Variants in METTL15 observed in about 807,000 individuals in gnomAD.
The protein encoded by METTL15 is methyltransferase 15, mitochondrial 12S rRNA N4-cytidine.
A neutral mutation model predicts 38.3 loss-of-function variants in METTL15; 34 were observed. The ratio of observed to expected loss-of-function variants is 0.89; its 90% CI spans 0.68 to 1.18. METTL15 has a LOEUF of 1.18. Among genes scored for constraint, METTL15 ranks in the 50% most tolerant of loss-of-function variants. The pLI is 0.00. For missense variants in METTL15, 438 were observed against 498.4 expected, an observed-to-expected ratio of 0.88 and a Z score of 1.15; for synonymous variants, 162 against 170.9, an observed-to-expected ratio of 0.95 and a Z score of 0.41.
intron 6 of METTL15, among the ~76,000 whole-genome samples, chr11:28,459,250 T>C (rs1479364055): frequency 6.6e-6 from 1 of 152,222 alleles, no homozygotes; most frequent in Non-Finnish European, 1.5e-5. Flanking sequence ...ACATGTTGTG[T>C]ATTGGGCTAA....
intron 3 of METTL15, among the ~76,000 whole-genome samples, chr11:28,160,476 G>T (rs1850418669): frequency 6.6e-6 from 1 of 151,958 alleles, no homozygotes; most frequent in Admixed American, 6.6e-5. Flanking sequence ...TAAGATTTTG[G>T]TAGAGCTTAA....
chr11:28,447,778 G>T (rs7110074), intron 6 of METTL15, among the ~76,000 whole-genome samples: 26,937 of 152,004 alleles, frequency 0.18, 2,629 homozygotes, highest in Non-Finnish European at 0.22. Flanking sequence ...TCAGGGGGAG[G>T]GAGACTATAA....
At chr11:28,283,753 G>T (rs1856147395) in intron 4 of METTL15, among the ~76,000 whole-genome samples, 1 of 152,170 alleles carries the variant, frequency 6.6e-6, no homozygotes, top group Non-Finnish European at 1.5e-5. Flanking sequence ...TTGACTTTTA[G>T]TGGGGTTGGA....
intron 6 of METTL15, among the ~76,000 whole-genome samples, chr11:28,329,677 C>G (rs1017665401): frequency 2.6e-5 from 4 of 152,068 alleles, no homozygotes; most frequent in African/African-American, 9.7e-5. Context: ...CACTTCATTC[C>G]TATCTGTATA....
intron 5 of METTL15, among the ~76,000 whole-genome samples, chr11:28,372,538 T>A (rs891457094): frequency 1.3e-5 from 2 of 151,398 alleles, no homozygotes; most frequent in Non-Finnish European, 2.9e-5. Flanking sequence ...TACACAAAGT[T>A]CTTCACAATT....
At chr11:28,357,706 A>G (rs118142523) in intron 4 of METTL15, among the ~76,000 whole-genome samples, 60 of 152,304 alleles carry the variant, frequency 3.9e-4, no homozygotes, top group Non-Finnish European at 6.6e-4. Context: ...ACCCAAAGAC[A>G]TGGAGGGAGA....
intron 5 of METTL15, among the ~76,000 whole-genome samples, chr11:28,373,483 A>G (rs576040450): frequency 1.0e-3 from 153 of 151,996 alleles, no homozygotes; most frequent in African/African-American, 1.9e-3. Context: ...TTTCTTGTAA[A>G]TTTGTTTGAG....
rs1004158677 is a variant in METTL15, at chr11:28,109,374, C to G, written c.-253-792C>G. Among the ~76,000 whole-genome samples, 32 of 152,148 alleles carry G rather than the reference C, an allele frequency of 2.1e-4. 1 individual carries two copies. On this transcript the variant is annotated intron_variant, in intron 1 of 6. Transcript: ENST00000407364. ...GAGATGTCTTTATTTCCAGTAAGAACTCATTGTATAGTACTTTACGTTTTG... is the reference window on the plus strand; with the variant it reads ...GAGATGTCTTTATTTCCAGTAAGAAGTCATTGTATAGTACTTTACGTTTTG...
intron 4 of METTL15, among the ~76,000 whole-genome samples, chr11:28,353,838 T>C (rs1279714825): frequency 1.4e-5 from 2 of 144,170 alleles, no homozygotes; most frequent in Non-Finnish European, 3.0e-5. Context: ...GGCAGGAGAA[T>C]GGCGTGAACC....
chr11:28,506,684 T>G (rs1851629867), intron 6 of METTL15, among the ~76,000 whole-genome samples: 1 of 151,824 alleles, frequency 6.6e-6, no homozygotes, highest in Non-Finnish European at 1.5e-5. Flanking sequence ...GTGTTCAAAG[T>G]GTCAAAATCA....
At chr11:28,346,801 T>C (rs1849999894) in intron 3 of METTL15, among the ~76,000 whole-genome samples, 1 of 152,204 alleles carries the variant, frequency 6.6e-6, no homozygotes, top group Non-Finnish European at 1.5e-5. Context: ...TACAACAACT[T>C]GTGTTCCATA....
At chr11:28,413,443 T>C (rs1356951248) in intron 5 of METTL15, among the ~76,000 whole-genome samples, 1 of 152,208 alleles carries the variant, frequency 6.6e-6, no homozygotes, top group Non-Finnish European at 1.5e-5. Flanking sequence ...AGATATAATT[T>C]TTACAGGTAA....
chr11:28,182,049 A>C (rs909673211), intron 3 of METTL15, among the ~76,000 whole-genome samples: 1 of 152,124 alleles, frequency 6.6e-6, no homozygotes, highest in Admixed American at 6.6e-5. Context: ...GGCTGCATAA[A>C]TGTCTTCTCT....
At chr11:28,127,130 T>C (rs887065090) in intron 3 of METTL15, among the ~76,000 whole-genome samples, 9 of 151,906 alleles carry the variant, frequency 5.9e-5, no homozygotes, top group African/African-American at 1.9e-4. Flanking sequence ...AGGTGAGAGA[T>C]GATTAAGTCT....
At chr11:28,528,978 A>G (rs553585691), downstream of METTL15, among the ~76,000 whole-genome samples, 1 of 152,196 alleles carries the variant, frequency 6.6e-6, no homozygotes, top group Non-Finnish European at 1.5e-5. Context: ...TATAACTGGA[A>G]TGAGGTAGAA....
At chr11:28,212,403 T>A (rs2133842861) in intron 4 of METTL15, among the ~76,000 whole-genome samples, 2 of 152,268 alleles carry the variant, frequency 1.3e-5, no homozygotes, top group East Asian at 1.9e-4. Flanking sequence ...TTTAAGAAGA[T>A]GTTTTATTAG....
chr11:28,464,044 A>G (rs1242103727), intron 6 of METTL15, among the ~76,000 whole-genome samples: 3 of 152,088 alleles, frequency 2.0e-5, no homozygotes, highest in Admixed American at 2.0e-4. Context: ...TTTTACAACA[A>G]TGCTGGCGTC....
At chr11:28,398,381 G>A (rs1850595887) in intron 5 of METTL15, among the ~76,000 whole-genome samples, 1 of 152,032 alleles carries the variant, frequency 6.6e-6, no homozygotes, top group Admixed American at 6.6e-5. Context: ...TAGCTGGCAT[G>A]AGATGATATC....
chr11:28,474,868 G>GAAAACTCCCAT (rs1851332416), intron 6 of METTL15, among the ~76,000 whole-genome samples: 2 of 152,170 alleles, frequency 1.3e-5, no homozygotes, highest in African/African-American at 4.8e-5. Flanking sequence ...AGTTACTAAT[G>GAAAACTCCCAT]GTGGTACTTG....
Sources: allele counts gnomAD v4.1 joint callset (sites outside exome capture counted in the v4.1 genomes callset), GRCh38; gene constraint gnomAD v4.1.1; transcripts MANE v1.5; gene names NCBI Gene and HGNC (gene_info 2026-07-23, HGNC 2026-07-21).